The following IL1RAPL1 variants were observed in gnomAD, a reference collection of about 807,000 sequenced individuals.
The protein encoded by IL1RAPL1 is interleukin 1 receptor accessory protein like 1.
A neutral mutation model predicts 48.4 loss-of-function variants in IL1RAPL1; 3 were observed. That is an observed-to-expected ratio of 0.06 (90% CI 0.03 to 0.16). IL1RAPL1 has a LOEUF of 0.16. Among genes scored for constraint, IL1RAPL1 ranks in the 10% least tolerant of loss-of-function variants. IL1RAPL1 has a pLI of 1.00. For synonymous variants in IL1RAPL1, 185 were observed against 187.7 expected, an observed-to-expected ratio of 0.99 and a Z score of 0.12; for missense variants, 349 against 530.6, an observed-to-expected ratio of 0.66 and a Z score of 3.36.
intron 6 of IL1RAPL1, among the ~76,000 whole-genome samples, chrX:29,886,598 G>A (rs1016747917): frequency 8.9e-6 from 1 of 112,131 alleles, no homozygotes; most frequent in East Asian, 2.8e-4. Flanking sequence ...CGGAGTCACC[G>A]CTAATAACTT....
At chrX:29,206,774 A>G (rs952113811) in intron 2 of IL1RAPL1, among the ~76,000 whole-genome samples, 2 of 111,738 alleles carry the variant, frequency 1.8e-5, no homozygotes, top group Admixed American at 1.9e-4. Flanking sequence ...TTTAAAAGAT[A>G]TATGTACTGA....
At chrX:29,794,521 T>A (rs1447702656) in intron 6 of IL1RAPL1, among the ~76,000 whole-genome samples, 1 of 111,951 alleles carries the variant, frequency 8.9e-6, no homozygotes, top group Admixed American at 9.5e-5. Context: ...AAGCCTGAGA[T>A]TAAATAGACC....
chrX:29,009,287 A>C (rs1044337865), intron 2 of IL1RAPL1, among the ~76,000 whole-genome samples: 3 of 111,750 alleles, frequency 2.7e-5, no homozygotes, highest in Non-Finnish European at 5.6e-5. Flanking sequence ...TTGTACACCA[A>C]ATCCCAGTGG....
At chrX:28,842,737 A>G (rs1427897193) in intron 2 of IL1RAPL1, among the ~76,000 whole-genome samples, 1 of 112,032 alleles carries the variant, frequency 8.9e-6, no homozygotes, top group Non-Finnish European at 1.9e-5. Context: ...GAATTGATAG[A>G]AAATGAGTAA....
intron 5 of IL1RAPL1, among the ~76,000 whole-genome samples, chrX:29,491,779 A>AT (rs1408855223): frequency 9.0e-6 from 1 of 111,148 alleles, no homozygotes; most frequent in Non-Finnish European, 1.9e-5. Context: ...GAAAAGTTTT[A>AT]TTTTCTACTA....
chrX:28,961,525 G>T (rs141569790), intron 2 of IL1RAPL1, among the ~76,000 whole-genome samples: 1,340 of 110,824 alleles, frequency 0.012, 13 homozygotes, highest in African/African-American at 0.042. Context: ...ACAGGCCCCG[G>T]TGTGTGATGT....
At chrX:29,702,381 C>T (rs1250466020) in intron 6 of IL1RAPL1, among the ~76,000 whole-genome samples, 1 of 111,244 alleles carries the variant, frequency 9.0e-6, no homozygotes. Context: ...TGGGTGCAAG[C>T]TGGGGACCAA....
At chrX:29,508,005 T>C (rs1050627179) in intron 5 of IL1RAPL1, among the ~76,000 whole-genome samples, 1 of 111,942 alleles carries the variant, frequency 8.9e-6, no homozygotes, top group African/African-American at 3.3e-5. Context: ...AGAAATGCTA[T>C]AAGATTTAGG....
chrX:29,912,134 T>C (rs1932762169), intron 6 of IL1RAPL1, among the ~76,000 whole-genome samples: 2 of 111,930 alleles, frequency 1.8e-5, no homozygotes, highest in African/African-American at 6.5e-5. Flanking sequence ...GCTCACAGAA[T>C]TTCTGAAAAT....
At chrX:29,680,382 A>AG (rs1260931561) in intron 6 of IL1RAPL1, among the ~76,000 whole-genome samples, 2 of 111,564 alleles carry the variant, frequency 1.8e-5, no homozygotes, top group Non-Finnish European at 1.9e-5. Context: ...GAGAACTTGA[A>AG]GTTCCCTAAG....
At chrX:29,415,038 AG>A (rs1402192927) in intron 5 of IL1RAPL1, among the ~76,000 whole-genome samples, 1 of 111,997 alleles carries the variant, frequency 8.9e-6, no homozygotes, top group African/African-American at 3.2e-5. Context: ...TAAAAGTAAA[AG>A]TTTTAAGAGT....
chrX:29,461,687 A>G (rs1167615883), intron 5 of IL1RAPL1, among the ~76,000 whole-genome samples: 1 of 112,214 alleles, frequency 8.9e-6, no homozygotes, highest in Non-Finnish European at 1.9e-5. Flanking sequence ...CCCCAAAAAG[A>G]AATAAATTAC....
intron 2 of IL1RAPL1, among the ~76,000 whole-genome samples, chrX:29,207,592 G>A (rs954025272): frequency 1.8e-5 from 2 of 111,866 alleles, no homozygotes; most frequent in African/African-American, 6.5e-5. Context: ...GTTTTAGTGT[G>A]GTTTCTCAAG....
intron 5 of IL1RAPL1, among the ~76,000 whole-genome samples, chrX:29,556,759 T>C (rs909604457): frequency 2.0e-4 from 22 of 111,387 alleles, no homozygotes; most frequent in African/African-American, 7.2e-4. Flanking sequence ...TTGAGAAAAA[T>C]GGCTTAATTT....
chrX:29,918,470 A>T (rs1211126447), intron 7 of IL1RAPL1, among the ~76,000 whole-genome samples: 2 of 98,840 alleles, frequency 2.0e-5, no homozygotes, highest in Non-Finnish European at 4.1e-5. Context: ...GCACCATTGC[A>T]CTGCAGCCTG....
intron 2 of IL1RAPL1, among the ~76,000 whole-genome samples, chrX:29,253,336 G>A (rs1931698772): frequency 9.0e-6 from 1 of 110,942 alleles, no homozygotes; most frequent in Non-Finnish European, 1.9e-5. Flanking sequence ...GTAAAGTAAT[G>A]CAATAGTAAA....
chrX:29,778,284 A>G (rs1189444195), intron 6 of IL1RAPL1, among the ~76,000 whole-genome samples: 1 of 111,849 alleles, frequency 8.9e-6, no homozygotes, highest in Non-Finnish European at 1.9e-5. Context: ...ACTAGGATGT[A>G]GACTGTAATT....
At chrX:29,648,161 A>C (rs1925395666) in intron 5 of IL1RAPL1, among the ~76,000 whole-genome samples, 1 of 111,891 alleles carries the variant, frequency 8.9e-6, no homozygotes, top group Non-Finnish European at 1.9e-5. Context: ...AAATAGTAAT[A>C]GATCTGAAAG....
intron 2 of IL1RAPL1, among the ~76,000 whole-genome samples, chrX:29,108,760 A>T (rs1158524529): frequency 1.8e-5 from 2 of 111,442 alleles, no homozygotes; most frequent in Admixed American, 1.9e-4. Flanking sequence ...AAATACAAAC[A>T]TACAATTCGG....
Sources: allele counts gnomAD v4.1 joint callset (sites outside exome capture counted in the v4.1 genomes callset), GRCh38; gene constraint gnomAD v4.1.1; transcripts MANE v1.5; gene names NCBI Gene and HGNC (gene_info 2026-07-23, HGNC 2026-07-21).